NCALD: variants seen among roughly 807,000 people sequenced by gnomAD.
NCALD encodes the protein neurocalcin-delta.
In NCALD, 10 loss-of-function variants were observed where a neutral mutation model predicts 18.6. The observed-to-expected ratio is 0.54, with a 90% CI of 0.33 to 0.91. The LOEUF (loss-of-function observed/expected upper bound fraction) is 0.91. NCALD is among the 40% of genes least tolerant of loss of function. The pLI is 0.03. For synonymous variants in NCALD, 88 were observed against 87.4 expected (o/e 1.01, Z -0.04); for missense variants, 184 against 247.6 (o/e 0.74, Z 1.72).
At chr8:102,008,917 T>TACACACACACACACACAC (rs761346653) in intron 2 of NCALD, among the ~76,000 whole-genome samples, 10 of 38,542 alleles carry the variant, frequency 2.6e-4, no homozygotes, top group African/African-American at 1.3e-3. Context: ...CCCGCCCCCC[T>TACACACACACACACACAC]ACACACACAC....
At chr8:101,693,139 T>C (rs1002074789) in intron 2 of NCALD, 1 of 385,680 alleles carries the variant, frequency 2.6e-6, no homozygotes, top group African/African-American at 2.1e-5. Context: ...AGTAGACCCC[T>C]GTGTCTCCAA....
intron 2 of NCALD, among the ~76,000 whole-genome samples, chr8:101,997,026 T>G (rs1234728489): frequency 6.6e-6 from 1 of 152,208 alleles, no homozygotes; most frequent in Non-Finnish European, 1.5e-5. Context: ...AGTCAGTAAC[T>G]ATGAGCAGCT....
chr8:102,021,389 A>C (rs1318314316), intron 1 of NCALD, among the ~76,000 whole-genome samples: 1 of 152,260 alleles, frequency 6.6e-6, no homozygotes, highest in African/African-American at 2.4e-5. Flanking sequence ...ATAAAGAAAG[A>C]AATGGCACAT....
intron 1 of NCALD, among the ~76,000 whole-genome samples, chr8:102,041,645 A>G (rs1823053983): frequency 6.6e-6 from 1 of 152,250 alleles, no homozygotes; most frequent in Non-Finnish European, 1.5e-5. Context: ...CAGGGAATGC[A>G]GACACTGAAC....
intron 2 of NCALD, among the ~76,000 whole-genome samples, chr8:102,009,140 A>G (rs1316131163): frequency 2.0e-5 from 3 of 152,208 alleles, no homozygotes; most frequent in African/African-American, 7.2e-5. Context: ...TGTTTTGAAT[A>G]CTGCCAAGTG....
chr8:101,749,495 G>T (rs1330078038), intron 1 of NCALD, among the ~76,000 whole-genome samples: 1 of 152,208 alleles, frequency 6.6e-6, no homozygotes, highest in Non-Finnish European at 1.5e-5. Flanking sequence ...GTAGATCTGG[G>T]TGAGAGCCCT....
chr8:101,893,979 C>A (rs1171391254), intron 3 of NCALD, among the ~76,000 whole-genome samples: 1 of 146,626 alleles, frequency 6.8e-6, no homozygotes. Flanking sequence ...AACAAGGATA[C>A]CCAGGAATTG....
At chr8:101,986,533 T>G (rs1820819967) in intron 2 of NCALD, 1 of 152,268 alleles carries the variant, frequency 6.6e-6, no homozygotes, top group African/African-American at 2.4e-5. Flanking sequence ...AGAAAATCCC[T>G]GCCCACCGCA....
At chr8:102,067,129 T>G (rs1468542087) in intron 1 of NCALD, among the ~76,000 whole-genome samples, 1 of 151,884 alleles carries the variant, frequency 6.6e-6, no homozygotes, top group African/African-American at 2.4e-5. Flanking sequence ...TCCAATAGAG[T>G]CCCCCAAACC....
chr8:101,936,072 C>T (rs1818752548), intron 2 of NCALD, among the ~76,000 whole-genome samples: 1 of 151,996 alleles, frequency 6.6e-6, no homozygotes, highest in African/African-American at 2.4e-5. Flanking sequence ...TCTTTGATTG[C>T]CTCATCTCCA....
intron 1 of NCALD, among the ~76,000 whole-genome samples, chr8:102,071,384 T>A (rs1824173747): frequency 6.6e-6 from 1 of 152,210 alleles, no homozygotes; most frequent in Non-Finnish European, 1.5e-5. Context: ...ATCATTTACA[T>A]AACCAACGAA....
chr8:101,875,079 A>G (rs1037738494), intron 4 of NCALD, among the ~76,000 whole-genome samples: 1 of 152,236 alleles, frequency 6.6e-6, no homozygotes, highest in African/African-American at 2.4e-5. Context: ...AGAGTTTGCT[A>G]TGTGCCGGGA....
chr8:101,718,169 C>G (rs1816176357), intron 2 of NCALD, among the ~76,000 whole-genome samples: 1 of 152,152 alleles, frequency 6.6e-6, no homozygotes, highest in Non-Finnish European at 1.5e-5. Flanking sequence ...ACACTGTGGG[C>G]CTGTGAATGG....
intron 1 of NCALD, among the ~76,000 whole-genome samples, chr8:101,736,556 G>T (rs1489380375): frequency 6.6e-6 from 1 of 152,132 alleles, no homozygotes; most frequent in Admixed American, 6.5e-5. Flanking sequence ...TGTCTTAAGG[G>T]CACAGAGTTA....
chr8:102,118,819 C>T (rs1825864437), intron 1 of NCALD, among the ~76,000 whole-genome samples: 1 of 152,172 alleles, frequency 6.6e-6, no homozygotes, highest in Admixed American at 6.5e-5. Flanking sequence ...CCCCATGACC[C>T]TAGAATGAAG....
At chr8:102,084,463 TGA>T (rs1325546566) in intron 1 of NCALD, among the ~76,000 whole-genome samples, 1 of 152,182 alleles carries the variant, frequency 6.6e-6, no homozygotes, top group Non-Finnish European at 1.5e-5. Context: ...GGGGGCGACT[TGA>T]GAGAGTCAAA....
At position 102,074,483 on chromosome 8, in the gene NCALD, T is replaced by C. The variant is rs550863531; in HGVS notation, c.-210+49754A>G. On this transcript the variant is annotated intron_variant, in intron 1 of 6. Coordinates refer to the NCALD transcript ENST00000311028. ...AAGTTCCTGACATTGGTGTGACAGC[T>C]GATTCTGAACCCCTAGGAGACTGAC... Among the ~76,000 whole-genome samples the C allele has an allele frequency of 4.2e-4, 64 of 152,316 alleles. 1 individual carries two copies. Among genetic ancestry groups the C allele is most frequent in the Middle Eastern group, 6.8e-3 (2 of 294 alleles).
At chr8:102,111,074 C>G (rs1825625348) in intron 1 of NCALD, among the ~76,000 whole-genome samples, 2 of 152,074 alleles carry the variant, frequency 1.3e-5, no homozygotes, top group Admixed American at 6.5e-5. Flanking sequence ...ATATTTGGAA[C>G]AAGAGTGATT....
At chr8:101,761,260 C>T (rs1557336) in intron 1 of NCALD, among the ~76,000 whole-genome samples, 120,346 of 152,182 alleles carry the variant, frequency 0.79, 47,657 homozygotes, top group East Asian at 0.84. Flanking sequence ...GCAACTTTGC[C>T]GGAGCAGTAG....
Sources: gnomAD v4.1 joint callset for allele counts (sites outside exome capture counted in the v4.1 genomes callset) on GRCh38, gnomAD v4.1.1 for gene constraint, MANE v1.5 for transcripts, NCBI Gene and HGNC (gene_info 2026-07-23, HGNC 2026-07-21) for gene names.